The following MRPL37 variants were observed in gnomAD, a reference collection of about 807,000 sequenced individuals.
MRPL37 encodes large ribosomal subunit protein mL37.
Under a neutral mutation model 44.1 loss-of-function variants are expected in MRPL37, and 34 were observed. That is an observed-to-expected ratio of 0.77 (90% confidence interval 0.59 to 1.03). The LOEUF is 1.03. Among genes scored for constraint, MRPL37 ranks in the 50% least tolerant of loss-of-function variants. The pLI is 0.00. For synonymous variants in MRPL37, 212 were observed against 219.5 expected (o/e 0.97, Z 0.30); for missense variants, 532 against 543.7 (o/e 0.98, Z 0.21).
chr1:54,216,141 A>G lies in MRPL37; in HGVS notation c.991A>G (p.Asn331Asp), dbSNP rs1258149931. The change falls in exon 6 of 7, where the codon AAT becomes GAT. Residue 331 changes from asparagine (N) to aspartate (D), a missense_variant and splice_region_variant. Physicochemically the swap from Asn to Asp is conservative, Grantham distance 23. Coordinates refer to ENST00000360840, the MANE Select transcript of MRPL37 (RefSeq NM_016491.4). ...ALAQARLLYG[N>D]DAKVLEQPVV... is the part of the protein sequence containing the mutation. ...TTTCCTTGTCCCCTTTTCCTCTCAGAATGATGCCAAGGTCTTGGAGCAGCC... is the reference window on the plus strand; with the variant it reads ...TTTCCTTGTCCCCTTTTCCTCTCAGGATGATGCCAAGGTCTTGGAGCAGCC... 2 of 1,614,102 alleles carry G rather than the reference A, an allele frequency of 1.2e-6. No homozygotes were observed. The highest frequency in any genetic ancestry group is 1.7e-6 in the Non-Finnish European group (2 of 1,180,030).
chr1:54,203,155 TTTTA>T (rs777070100), intron 1 of MRPL37, among the ~76,000 whole-genome samples: 3 of 152,158 alleles, frequency 2.0e-5, no homozygotes, highest in Non-Finnish European at 4.4e-5. Flanking sequence ...ATACACCATC[TTTTA>T]TTTATTTATT....
In MRPL37 at chr1:54,218,223, G is replaced by C. The variant is rs1185499506; in HGVS notation, c.1246G>C (p.Ala416Pro). The change falls in exon 7 of 7, where the codon GCT becomes CCT. Residue 416 changes from alanine (A) to proline (P), a missense_variant. Physicochemically the swap from Ala to Pro is conservative, Grantham distance 27. Transcript: ENST00000360840. ...FKPETFRKFL[A>P]LYLHGAA ...GCCAGAGACATTCAGAAAGTTTTTA[G>C]CTCTATATTTGCATGGTGCTGCGTG... 6.2e-7 allele frequency: 1 copy of C among 1,614,110 alleles called. No individual in the cohort carries two copies. The highest frequency in any genetic ancestry group is 1.3e-5 in the African/African-American group (1 of 74,942).
downstream of MRPL37, chr1:54,221,021 TG>T (rs1570157323): frequency 2.8e-6 from 1 of 361,462 alleles, no homozygotes; most frequent in East Asian, 7.6e-5. Flanking sequence ...GTATTCCAGC[TG>T]CCCTGTCAGA....
At chr1:54,225,405 A>G (rs1644271076), downstream of MRPL37, 1 of 1,233,978 alleles carries the variant, frequency 8.1e-7, no homozygotes, top group Non-Finnish European at 1.0e-6. Flanking sequence ...ACTCCAACCC[A>G]CATTCCCCAA....
intron 1 of MRPL37, 53 bp downstream of exon 1, chr1:54,200,642 C>G (rs1190223929): frequency 2.6e-6 from 4 of 1,514,396 alleles, no homozygotes; most frequent in Middle Eastern, 3.6e-4. Context: ...CCAGCACCGA[C>G]CCCGACCCTC....
chr1:54,223,115 A>C (rs1277958834), downstream of MRPL37, among the ~76,000 whole-genome samples: 1 of 152,168 alleles, frequency 6.6e-6, no homozygotes, highest in Admixed American at 6.5e-5. Flanking sequence ...GAGAGAACAC[A>C]ACCTCTGCCT....
chr1:54,224,319 G>A (rs1644258743), downstream of MRPL37, among the ~76,000 whole-genome samples: 2 of 152,286 alleles, frequency 1.3e-5, no homozygotes, highest in East Asian at 1.9e-4. Context: ...GAATCTCCTA[G>A]ATCCTCCCAG....
intron 3 of MRPL37, among the ~76,000 whole-genome samples, chr1:54,207,069 A>G (rs946513293): frequency 6.6e-6 from 1 of 152,132 alleles, no homozygotes; most frequent in Admixed American, 6.6e-5. Context: ...TTCTTCATTT[A>G]ACCAAATTCT....
Position 54,203,711 on chromosome 1 carries a change from A to G in MRPL37, c.347-1307A>G, listed in dbSNP as rs1644101003. Among the ~76,000 whole-genome samples the G allele has an allele frequency of 2.0e-5, 3 of 151,844 alleles. No homozygotes were observed. The South Asian group carries it at 6.3e-4, about 32-fold the overall frequency. On this transcript the variant is annotated intron_variant, in intron 1 of 6. Transcript: ENST00000360840. ...GGCTGGTCTCAAACTCCTGACCTCA[A>G]GTGATCTGCCCACCTCAGCCTCCCA...
At chr1:54,208,577 C>T (rs990409054) in intron 3 of MRPL37, among the ~76,000 whole-genome samples, 6 of 143,300 alleles carry the variant, frequency 4.2e-5, no homozygotes, top group Non-Finnish European at 6.1e-5. Flanking sequence ...AAAGAATCTC[C>T]TCTCTAACTC....
chr1:54,213,704 C>T (rs181241379), intron 5 of MRPL37, among the ~76,000 whole-genome samples: 24 of 152,332 alleles, frequency 1.6e-4, no homozygotes, highest in African/African-American at 5.5e-4. Context: ...GCCCAGCGAT[C>T]AGCGTTTTAA....
chr1:54,217,607 TTTTC>T (rs1644207065), intron 6 of MRPL37, among the ~76,000 whole-genome samples: 1 of 151,590 alleles, frequency 6.6e-6, no homozygotes, highest in South Asian at 2.1e-4. Context: ...GTCTCCTTCC[TTTTC>T]TTTTTCTTTC....
chr1:54,208,555 A>AAAG (rs1644141275), intron 3 of MRPL37, among the ~76,000 whole-genome samples: 4 of 150,592 alleles, frequency 2.7e-5, no homozygotes, highest in African/African-American at 9.7e-5. Flanking sequence ...TCTCAAAAAA[A>AAAG]AAAAAAAAAA....
chr1:54,218,042 CGA>C, intron 6 of MRPL37, 128 bp from the exon 7 acceptor site: 4 of 877,458 alleles, frequency 4.6e-6, no homozygotes, highest in South Asian at 1.5e-5. Flanking sequence ...CTTCTTAGTC[CGA>C]GAGAGAGACG....
In MRPL37 at chr1:54,213,018, G is replaced by A. The variant is rs35722912; in HGVS notation, c.990+360G>A. On this transcript the variant is annotated intron_variant, in intron 5 of 6. Coordinates refer to ENST00000360840, the MANE Select transcript of MRPL37 (RefSeq NM_016491.4). ...CTGCCCCACTCTGAAGTCTTCAGTT[G>A]TTTGTGCTGCAGCATGCTGCCTCTG... is the stretch of plus-strand genomic sequence containing the variant. 4.2e-3 allele frequency among the ~76,000 whole-genome samples: 638 copies of A among 152,354 alleles called. 4 individuals carry two copies. The highest frequency in any genetic ancestry group is 0.015 in the African/African-American group (615 of 41,568).
chr1:54,203,467 C>CTTTTTTTTTT (rs780467512), intron 1 of MRPL37, among the ~76,000 whole-genome samples: 3 of 98,874 alleles, frequency 3.0e-5, no homozygotes, highest in Non-Finnish European at 3.9e-5. Context: ...ACTTCATTTA[C>CTTTTTTTTTT]TTTTTTTTTT....
rs1425342374 is a variant in MRPL37 at position 54,200,466 on chromosome 1, T to G, written c.223T>G (p.Phe75Val). ...HFVPWLARPI[F>V]PPWDRGYKDP... is the part of the protein sequence containing the mutation. ...CGTGCCCTGGCTGGCGCGGCCGATC[T>G]TTCCGCCCTGGGACCGCGGCTACAA... Residue 75 changes from phenylalanine (F) to valine (V), a missense_variant, in exon 1 of 7, where the codon TTT becomes GTT. Phe to Val is a conservative substitution (Grantham distance 50). Transcript: ENST00000360840. 2 of 1,614,254 alleles carry G rather than the reference T, an allele frequency of 1.2e-6. No individual in the cohort carries two copies. Among genetic ancestry groups the G allele is most frequent in the South Asian group, 2.2e-5 (2 of 91,090 alleles).
At chr1:54,220,328 G>C (rs1043214014), downstream of MRPL37, among the ~76,000 whole-genome samples, 1 of 152,174 alleles carries the variant, frequency 6.6e-6, no homozygotes, top group Non-Finnish European at 1.5e-5. Flanking sequence ...GCCTGGAAGG[G>C]GGCCAGGGTT....
intron 5 of MRPL37, among the ~76,000 whole-genome samples, chr1:54,213,316 G>A (rs913358881): frequency 5.9e-5 from 9 of 152,352 alleles, no homozygotes; most frequent in South Asian, 4.1e-4. Context: ...GCAGGCCTGG[G>A]ACACCAGATC....
Sources: gnomAD v4.1 joint callset for allele counts (sites outside exome capture counted in the v4.1 genomes callset) on GRCh38, gnomAD v4.1.1 for gene constraint, MANE v1.5 for transcripts, NCBI Gene and HGNC (gene_info 2026-07-23, HGNC 2026-07-21) for gene names.